Variants in SRFBP1 observed in about 807,000 individuals in gnomAD.
SRFBP1 encodes serum response factor-binding protein 1.
In SRFBP1, 47 loss-of-function variants were observed where a neutral mutation model predicts 45.5. The ratio of observed to expected loss-of-function variants is 1.03; its 90% CI spans 0.82 to 1.32. The LOEUF (loss-of-function observed/expected upper bound fraction) is 1.32, where lower values mean the gene tolerates loss of function less well. SRFBP1 is among the 40% of genes most tolerant of loss of function. The pLI is 0.00. For synonymous variants in SRFBP1, 203 were observed against 166.3 expected, an observed-to-expected ratio of 1.22 and a Z score of -1.70; for missense variants, 621 against 484.6, an observed-to-expected ratio of 1.28 and a Z score of -2.64.
intron 1 of SRFBP1, among the ~76,000 whole-genome samples, chr5:121,971,771 G>A (rs1356729935): frequency 6.6e-6 from 1 of 151,970 alleles, no homozygotes; most frequent in Non-Finnish European, 1.5e-5. Flanking sequence ...TCAAAATAGA[G>A]TGAGTAGAAA....
chr5:122,028,436 T>C lies in SRFBP1; in HGVS notation c.*1310T>C, dbSNP rs757363458. 1 of 152,084 alleles carries C rather than the reference T, an allele frequency of 6.6e-6. No individual in the cohort carries two copies. The highest frequency in any genetic ancestry group is 1.5e-5 in the Non-Finnish European group (1 of 68,034). 9.4% of individuals were successfully genotyped at this position (152,084 alleles called of 1,614,324 possible). A position where few individuals can be genotyped will look rare whatever the true frequency, so the allele number is the denominator to read the frequency against. On this transcript the variant is annotated 3_prime_UTR_variant, in exon 8 of 8. Transcript: ENST00000339397. ...GCCTGGGCAACATGGTGAAACCCTGTCTCTACTAAAAATACAGAAAATTAT... is the reference window on the plus strand; with the variant it reads ...GCCTGGGCAACATGGTGAAACCCTGCCTCTACTAAAAATACAGAAAATTAT...
chr5:121,973,710 G>A (rs1752247364), intron 1 of SRFBP1, among the ~76,000 whole-genome samples: 1 of 151,444 alleles, frequency 6.6e-6, no homozygotes, highest in East Asian at 1.9e-4. Context: ...GAAATAATTT[G>A]TTACTAAAAA....
At chr5:121,988,456 T>C (rs1349647730) in intron 3 of SRFBP1, among the ~76,000 whole-genome samples, 2 of 152,104 alleles carry the variant, frequency 1.3e-5, no homozygotes, top group Non-Finnish European at 2.9e-5. Context: ...GAAGAGCACA[T>C]GGGGTGAAGT....
chr5:122,010,455 C>T (rs958972548), intron 4 of SRFBP1, among the ~76,000 whole-genome samples: 4 of 152,138 alleles, frequency 2.6e-5, no homozygotes, highest in Non-Finnish European at 4.4e-5. Flanking sequence ...ATTAACATCA[C>T]TGTCACTTAA....
chr5:122,028,239 G>T lies in SRFBP1; in HGVS notation c.*1113G>T, dbSNP rs1031300808. 22 of 152,222 alleles carry T rather than the reference G, an allele frequency of 1.4e-4. No individual in the cohort carries two copies. The highest frequency in any genetic ancestry group is 5.3e-4 in the African/African-American group (22 of 41,528). The allele number at this position is 152,222 out of a possible 1,614,324, so 9.4% of individuals were successfully genotyped here. A position where few individuals can be genotyped will look rare whatever the true frequency, so the allele number is the denominator to read the frequency against. ...TTCCTGCACATTAGTTCCTTTAATG[G>T]CAGGGAAGGCCATCTGGTTAACCTG... On this transcript the variant is annotated 3_prime_UTR_variant, in exon 8 of 8. Coordinates refer to ENST00000339397, the MANE Select transcript of SRFBP1 (RefSeq NM_152546.3).
chr5:121,992,842 A>G (rs1050232941), intron 3 of SRFBP1, among the ~76,000 whole-genome samples: 7 of 151,986 alleles, frequency 4.6e-5, no homozygotes, highest in Admixed American at 2.6e-4. Flanking sequence ...AATATCTACC[A>G]TGTATCTGGG....
In SRFBP1 at chr5:122,019,264, A is replaced by T. The variant is rs1252728798; in HGVS notation, c.275A>T (p.Asp92Val). The T allele has an allele frequency of 1.2e-6, 2 of 1,611,776 alleles. No homozygotes were observed. Among genetic ancestry groups the T allele is most frequent in the Non-Finnish European group, 1.7e-6 (2 of 1,178,864 alleles). ...INFEKIFKKP[D>V]STATERAIAR... ...ATTATATTTTTAAATTTGCAGCCAG[A>T]TTCTACTGCAACTGAAAGAGCAATT... Residue 92 changes from aspartate to valine, a missense_variant, in exon 5 of 8, where the codon GAT becomes GTT. Asp to Val is a radical substitution (Grantham distance 152). Coordinates refer to ENST00000339397, the MANE Select transcript of SRFBP1 (RefSeq NM_152546.3).
In SRFBP1 at chr5:122,020,324, G is replaced by A. The variant is rs748903475; in HGVS notation, c.589G>A (p.Ala197Thr). ...AGCAAAGATGGAACATGGACCTAAA[G>A]CAGTGACTATTGCAAATTCTCCATC... ...KIAKMEHGPK[A>T]VTIANSPSKP... The change falls in exon 6 of 8, where the codon GCA becomes ACA. Residue 197 changes from alanine (A) to threonine (T), a missense_variant. Ala to Thr is a moderately conservative substitution (Grantham distance 58). Transcript: ENST00000339397. 6.2e-6 allele frequency: 10 copies of A among 1,613,858 alleles called. No homozygotes were observed. In the South Asian group the frequency reaches 1.1e-4, roughly 18 times the overall value.
intron 2 of SRFBP1, among the ~76,000 whole-genome samples, 164 bp downstream of exon 2, chr5:121,974,448 G>T (rs946476393): frequency 6.6e-6 from 1 of 151,888 alleles, no homozygotes. Flanking sequence ...AGAATGTGCT[G>T]TGTCAGCATG....
intron 2 of SRFBP1, among the ~76,000 whole-genome samples, chr5:122,053,114 A>T (rs935190130): frequency 1.3e-5 from 2 of 152,032 alleles, no homozygotes; most frequent in Non-Finnish European, 2.9e-5. Context: ...CAGACAAGCT[A>T]TGTCCTTGCC....
At chr5:122,046,267 A>G (rs1297006619) in intron 2 of SRFBP1, among the ~76,000 whole-genome samples, 8 of 151,926 alleles carry the variant, frequency 5.3e-5, no homozygotes, top group Non-Finnish European at 1.0e-4. Context: ...TCATTGTTCA[A>G]TTCCCACCTA....
chr5:121,992,079 G>A (rs1010355184), intron 3 of SRFBP1, among the ~76,000 whole-genome samples: 1 of 152,088 alleles, frequency 6.6e-6, no homozygotes, highest in African/African-American at 2.4e-5. Flanking sequence ...TAGTGCTTCT[G>A]TATCAAATTA....
chr5:122,068,249 T>C (rs1228756490), intron 2 of SRFBP1, among the ~76,000 whole-genome samples: 1 of 151,764 alleles, frequency 6.6e-6, no homozygotes, highest in Non-Finnish European at 1.5e-5. Context: ...ACAGTCATAT[T>C]GCTGGAGCAA....
chr5:121,975,304 AT>A lies in SRFBP1; in HGVS notation c.126-5del. On this transcript the variant is annotated splice_polypyrimidine_tract_variant and intron_variant, in intron 2 of 7. Transcript: ENST00000339397. ...TTTGCCTGGCTACATATCGTAATGT[AT>A]TTTTTGCAGGGGTACTGAAGATGCA... 6.2e-7 allele frequency: 1 copy of A among 1,612,804 alleles called. No individual in the cohort carries two copies. Among genetic ancestry groups the A allele is most frequent in the Non-Finnish European group, 8.5e-7 (1 of 1,179,002 alleles).
At chr5:122,039,022 C>A (rs1248314141) in intron 2 of SRFBP1, among the ~76,000 whole-genome samples, 2 of 151,904 alleles carry the variant, frequency 1.3e-5, no homozygotes, top group Admixed American at 6.6e-5. Flanking sequence ...AAACAATGAA[C>A]AAGTACTTCC....
At chr5:121,963,512 A>T (rs1304252767) in intron 1 of SRFBP1, among the ~76,000 whole-genome samples, 2 of 152,168 alleles carry the variant, frequency 1.3e-5, no homozygotes, top group African/African-American at 4.8e-5. Context: ...GGGATGAGTC[A>T]TTAAAGACTC....
At chr5:122,023,744 G>T (rs534988894) in intron 7 of SRFBP1, among the ~76,000 whole-genome samples, 47 of 152,120 alleles carry the variant, frequency 3.1e-4, no homozygotes, top group Non-Finnish European at 7.3e-5. Flanking sequence ...ACAAAGTTCA[G>T]CAGAGGTTTT....
intron 1 of SRFBP1, among the ~76,000 whole-genome samples, chr5:121,973,622 G>A (rs117170046): frequency 0.011 from 1,545 of 146,384 alleles, 35 homozygotes; most frequent in East Asian, 0.059. Flanking sequence ...GTGTGGGGGG[G>A]GGGCATGTAT....
chr5:122,069,741 G>T (rs1201780952), intron 2 of SRFBP1, among the ~76,000 whole-genome samples: 2 of 152,092 alleles, frequency 1.3e-5, no homozygotes, highest in Non-Finnish European at 2.9e-5. Flanking sequence ...GCTTCTACAA[G>T]CTCACCCACT....
Sources: allele counts gnomAD v4.1 joint callset (sites outside exome capture counted in the v4.1 genomes callset), GRCh38; gene constraint gnomAD v4.1.1; transcripts MANE v1.5; gene names NCBI Gene and HGNC (gene_info 2026-07-23, HGNC 2026-07-21).